Variants in VAC14 observed in about 807,000 individuals in gnomAD.
The protein encoded by VAC14 is protein VAC14 homolog.
A neutral mutation model predicts 85.3 loss-of-function variants in VAC14; 47 were observed. The ratio of observed to expected loss-of-function variants is 0.55; its 90% confidence interval spans 0.44 to 0.70. The LOEUF (loss-of-function observed/expected upper bound fraction) is 0.70, where lower values mean the gene tolerates loss of function less well. VAC14 is among the 30% of genes least tolerant of loss of function. The pLI is 0.00. For missense variants in VAC14, 861 were observed against 1,004.3 expected (o/e 0.86, Z 1.93); for synonymous variants, 447 against 430.5 (o/e 1.04, Z -0.47).
intron 10 of VAC14, among the ~76,000 whole-genome samples, chr16:70,764,085 A>T (rs1212768527): frequency 6.6e-6 from 1 of 152,136 alleles, no homozygotes. Flanking sequence ...TAGGCTGCTC[A>T]ATTATTCATT....
intron 5 of VAC14, 76 bp downstream of exon 5, chr16:70,784,037 G>T: frequency 8.3e-7 from 1 of 1,210,344 alleles, no homozygotes; most frequent in Non-Finnish European, 1.2e-6. Context: ...TATAGCCAAA[G>T]GGCCTGACAA....
intron 12 of VAC14, chr16:70,761,016 T>TGTGTGTGTGTGCGTGC (rs1413571677): frequency 6.6e-6 from 2 of 300,870 alleles, no homozygotes; most frequent in African/African-American, 8.4e-5. Flanking sequence ...TGTGTGTGTG[T>TGTGTGTGTGTGCGTGC]GTGCATGGGG....
At chr16:70,693,440 G>A (rs1002692261) in intron 17 of VAC14, among the ~76,000 whole-genome samples, 8 of 152,330 alleles carry the variant, frequency 5.3e-5, no homozygotes, top group African/African-American at 9.6e-5. Context: ...AGAGAAAGAC[G>A]GTAGATTAGG....
intron 16 of VAC14, 51 bp downstream of exon 16, chr16:70,697,088 C>A: frequency 6.7e-7 from 1 of 1,497,580 alleles, no homozygotes; most frequent in Non-Finnish European, 9.3e-7. Flanking sequence ...GCAGCCGGCC[C>A]CTTCCTGCCC....
At chr16:70,759,072 G>A (rs1377766538) in intron 12 of VAC14, among the ~76,000 whole-genome samples, 1 of 152,232 alleles carries the variant, frequency 6.6e-6, no homozygotes, top group Non-Finnish European at 1.5e-5. Context: ...GACTGACAGA[G>A]ATGGTGGTGG....
chr16:70,696,910 G>A (rs983819201), intron 16 of VAC14: 6 of 470,192 alleles, frequency 1.3e-5, no homozygotes, highest in African/African-American at 4.0e-5. Context: ...GGTTTCTCCC[G>A]GGCCAGCTCC....
chr16:70,744,745 A>T, intron 12 of VAC14, 166 bp from the exon 13 acceptor site: 5 of 726,198 alleles, frequency 6.9e-6, no homozygotes, highest in Non-Finnish European at 1.1e-5. Context: ...GCATGCTCAG[A>T]AAAGTGAAAC....
At chr16:70,731,393 G>C in intron 14 of VAC14, 102 bp downstream of exon 14, 1 of 1,525,950 alleles carries the variant, frequency 6.6e-7, no homozygotes, top group Non-Finnish European at 8.8e-7. Context: ...AAGGAGGAGA[G>C]AGAAGGGAAA....
Position 70,780,091 on chromosome 16 carries a change from T to C in VAC14, c.1096+699A>G, listed in dbSNP as rs1031959590. ...CCCAGGCTGGTCTCAAACTCCTGAG[T>C]TCATGCAGATTGCCTCAGACTCCCA... On this transcript the variant is annotated intron_variant, in intron 9 of 18. Transcript: ENST00000261776. 2.0e-5 allele frequency among the ~76,000 whole-genome samples: 3 copies of C among 149,748 alleles called. No individual in the cohort carries two copies. In the Admixed American group the frequency reaches 2.0e-4, roughly 10 times the overall value.
intron 17 of VAC14, among the ~76,000 whole-genome samples, chr16:70,695,103 C>A (rs573801453): frequency 3.2e-4 from 48 of 148,612 alleles, no homozygotes; most frequent in African/African-American, 1.1e-3. Flanking sequence ...GGCCTATCAT[C>A]CCAGTCTTTT....
At chr16:70,722,590 C>T (rs548871069) in intron 14 of VAC14, among the ~76,000 whole-genome samples, 17 of 152,016 alleles carry the variant, frequency 1.1e-4, no homozygotes, top group Non-Finnish European at 1.6e-4. Context: ...GAAAGGACAC[C>T]GGGACAAGAG....
At chr16:70,705,639 C>T (rs1056710098) in intron 14 of VAC14, among the ~76,000 whole-genome samples, 2 of 152,160 alleles carry the variant, frequency 1.3e-5, no homozygotes, top group Admixed American at 6.5e-5. Context: ...GAGAGATGAG[C>T]GTGGAGGCTG....
At chr16:70,731,748 A>G (rs2054598506) in intron 13 of VAC14, 121 bp from the exon 14 acceptor site, 3 of 1,073,324 alleles carry the variant, frequency 2.8e-6, no homozygotes, top group Non-Finnish European at 3.8e-6. Flanking sequence ...GTGTTATAAC[A>G]AGATGAGGGA....
intron 9 of VAC14, among the ~76,000 whole-genome samples, chr16:70,776,454 A>G (rs1245777118): frequency 6.6e-6 from 1 of 151,796 alleles, no homozygotes; most frequent in African/African-American, 2.4e-5. Flanking sequence ...GGACTTTCAC[A>G]TTTTTCTTCC....
rs1229842683 is a variant in VAC14, at chr16:70,785,972, G to A, written c.256-103C>T. The stretch of plus-strand genomic sequence containing the variant: ...TCCCAGCTCCCTTGAAGGTGCTCAG[G>A]CCTTTGTGTGAGGGCTGGGCTCAAA... On this transcript the variant is annotated intron_variant, in intron 2 of 18. Coordinates refer to ENST00000261776, the MANE Select transcript of VAC14 (RefSeq NM_018052.5). 2.9e-6 allele frequency: 4 copies of A among 1,393,690 alleles called. No homozygotes were observed. In the Admixed American group the frequency reaches 9.9e-5, roughly 34 times the overall value. 86.3% of individuals were successfully genotyped at this position (1,393,690 alleles called of 1,614,324 possible). A position where few individuals can be genotyped will look rare whatever the true frequency, so the allele number is the denominator to read the frequency against.
In VAC14 at chr16:70,692,691, G is replaced by T. The variant is rs1315082288; in HGVS notation, c.2186+130C>A. 6.1e-6 allele frequency: 8 copies of T among 1,304,326 alleles called. No individual in the cohort carries two copies. The African/African-American group carries it at 9.0e-5, about 15-fold the overall frequency. 80.8% of individuals were successfully genotyped at this position (1,304,326 alleles called of 1,614,324 possible). A position where few individuals can be genotyped will look rare whatever the true frequency, so the allele number is the denominator to read the frequency against. Reference sequence around the variant, plus strand: ...GGCTGCGGGGGGGATGGTGGTCACAGTGACAAAAGGGGTGGGATGCTGAAG... The same window carrying T: ...GGCTGCGGGGGGGATGGTGGTCACATTGACAAAAGGGGTGGGATGCTGAAG... On this transcript the variant is annotated intron_variant, in intron 18 of 18. Transcript: ENST00000261776.
At chr16:70,786,620 A>C (rs1020266984) in intron 1 of VAC14, among the ~76,000 whole-genome samples, 2 of 152,254 alleles carry the variant, frequency 1.3e-5, no homozygotes, top group African/African-American at 4.8e-5. Flanking sequence ...GAGAGAATGC[A>C]AATCAATGTG....
At chr16:70,690,958 A>G in intron 18 of VAC14, 1 of 985,254 alleles carries the variant, frequency 1.0e-6, no homozygotes, top group Non-Finnish European at 1.2e-6. Context: ...CCAAGAACCC[A>G]GAGAGGGCAC....
At chr16:70,698,409 C>A (rs2053756663) in intron 15 of VAC14, among the ~76,000 whole-genome samples, 1 of 151,954 alleles carries the variant, frequency 6.6e-6, no homozygotes, top group Admixed American at 6.6e-5. Flanking sequence ...ACACGTGGAC[C>A]CTCCTGCGGG....
Sources: allele counts gnomAD v4.1 joint callset (sites outside exome capture counted in the v4.1 genomes callset), GRCh38; gene constraint gnomAD v4.1.1; transcripts MANE v1.5; gene names NCBI Gene and HGNC (gene_info 2026-07-23, HGNC 2026-07-21).